ABI2: variants seen among roughly 807,000 people sequenced by gnomAD.
The protein encoded by ABI2 is abl interactor 2.
A neutral mutation model predicts 59.2 loss-of-function variants in ABI2; 25 were observed. The ratio of observed to expected loss-of-function variants is 0.42; its 90% CI spans 0.31 to 0.59. The LOEUF is 0.59. ABI2 is among the 20% of genes least tolerant of loss of function. ABI2 has a pLI of 0.14. For missense variants in ABI2, 545 were observed against 681.8 expected, an observed-to-expected ratio of 0.80 and a Z score of 2.23; for synonymous variants, 213 against 235.5, an observed-to-expected ratio of 0.90 and a Z score of 0.87.
At chr2:203,365,267 T>C (rs1447907211) in intron 1 of ABI2, among the ~76,000 whole-genome samples, 4 of 152,180 alleles carry the variant, frequency 2.6e-5, no homozygotes, top group African/African-American at 9.7e-5. Context: ...GTAACCAGCT[T>C]TTTTTCACTT....
intron 2 of ABI2, chr2:203,375,941 CAG>C (rs1559264764): frequency 1.5e-6 from 1 of 670,186 alleles, no homozygotes; most frequent in African/African-American, 1.8e-5. Context: ...GGCAATACTG[CAG>C]TTCAACCCCG....
intron 1 of ABI2, among the ~76,000 whole-genome samples, chr2:203,332,414 C>G (rs931025424): frequency 6.6e-6 from 1 of 152,002 alleles, no homozygotes; most frequent in Non-Finnish European, 1.5e-5. Flanking sequence ...ATCACGAGAT[C>G]AGGAGATCCA....
chr2:203,426,277 AT>A (rs2098422930), intron 11 of ABI2, among the ~76,000 whole-genome samples: 1 of 152,204 alleles, frequency 6.6e-6, no homozygotes, highest in Non-Finnish European at 1.5e-5. Context: ...GTGGTATAAA[AT>A]AGGTACAGAA....
In ABI2 at chr2:203,380,232, G is replaced by A; in HGVS notation, c.310G>A (p.Val104Ile). 1.9e-6 allele frequency: 3 copies of A among 1,586,152 alleles called. No individual in the cohort carries two copies. The highest frequency in any genetic ancestry group is 2.6e-6 in the Non-Finnish European group (3 of 1,170,018). ...SQTVDIHKEK[V>I]ARREIGILTT... ...GACAGTTGATATTCATAAAGAGAAA[G>A]TTGCAAGAAGAGAAATTGGTATTTT... The change falls in exon 3 of 12, where the codon GTT (valine) becomes ATT (isoleucine). Residue 104 changes from valine to isoleucine, a missense_variant. Coordinates refer to ENST00000261018, the MANE Select transcript of ABI2 (RefSeq NM_001375670.1).
intron 10 of ABI2, among the ~76,000 whole-genome samples, chr2:203,416,360 A>T (rs956897732): frequency 6.6e-6 from 1 of 151,466 alleles, no homozygotes; most frequent in African/African-American, 2.4e-5. Context: ...GAGTGGCGTG[A>T]TCTCGACTCA....
At chr2:203,395,448 TACACAC>T (rs59156204) in intron 6 of ABI2, among the ~76,000 whole-genome samples, 51 of 115,314 alleles carry the variant, frequency 4.4e-4, no homozygotes, top group South Asian at 6.6e-4. Context: ...TATATATATA[TACACAC>T]ACACACACAC....
In ABI2 at chr2:203,394,723, T is replaced by C; in HGVS notation, c.602T>C (p.Leu201Pro). The C allele has an allele frequency of 1.2e-6, 2 of 1,614,126 alleles. No homozygotes were observed. The highest frequency in any genetic ancestry group is 1.7e-6 in the Non-Finnish European group (2 of 1,180,012). The change falls in exon 6 of 12, where the codon CTG becomes CCG. Residue 201 changes from leucine (L) to proline (P), a missense_variant. Physicochemically the swap from Leu to Pro is moderately conservative, Grantham distance 98. This residue lies in a region of ABI2 where 410 missense variants were observed against 435.6 expected (regional missense o/e 0.94). Coordinates refer to ENST00000261018, the MANE Select transcript of ABI2 (RefSeq NM_001375670.1). Reference protein sequence around the residue: ...TLGRHSPYRTLEPVRPPVVPN... With the variant: ...TLGRHSPYRTPEPVRPPVVPN... ...AGGCGGCACTCCCCCTATCGCACAC[T>C]GGAGCCAGTGCGTCCTCCAGTGGTA...
At chr2:203,374,968 C>A in intron 2 of ABI2, 1 of 373,732 alleles carries the variant, frequency 2.7e-6, no homozygotes, top group Non-Finnish European at 5.8e-6. Context: ...TCTGCTGTGG[C>A]CTGAGCATGT....
chr2:203,408,907 C>T (rs1228926717), intron 9 of ABI2, among the ~76,000 whole-genome samples: 8 of 123,228 alleles, frequency 6.5e-5, no homozygotes, highest in Admixed American at 1.1e-4. Flanking sequence ...GGCGCAATCT[C>T]GGCTCACTGC....
At chr2:203,395,448 T>TATATATATATATATACACAC (rs750379504) in intron 6 of ABI2, among the ~76,000 whole-genome samples, 4 of 115,328 alleles carry the variant, frequency 3.5e-5, no homozygotes, top group African/African-American at 1.2e-4. Context: ...TATATATATA[T>TATATATATATATATACACAC]ACACACACAC....
intron 1 of ABI2, among the ~76,000 whole-genome samples, chr2:203,338,565 C>T (rs776449038): frequency 2.6e-4 from 40 of 151,970 alleles, no homozygotes; most frequent in Non-Finnish European, 5.6e-4. Flanking sequence ...ACCAGAAGTA[C>T]GTGCCAGCAC....
intron 4 of ABI2, among the ~76,000 whole-genome samples, chr2:203,390,421 C>A (rs2096698514): frequency 6.6e-6 from 1 of 152,130 alleles, no homozygotes; most frequent in Non-Finnish European, 1.5e-5. Flanking sequence ...TGCCTAAGCT[C>A]AGGAGTTTGA....
At chr2:203,385,259 G>C (rs1559293527) in intron 4 of ABI2, among the ~76,000 whole-genome samples, 3 of 150,598 alleles carry the variant, frequency 2.0e-5, no homozygotes, top group Non-Finnish European at 3.0e-5. Flanking sequence ...AACCTCCTGA[G>C]TAGCTGGGAC....
intron 2 of ABI2, among the ~76,000 whole-genome samples, chr2:203,376,561 C>G (rs78643187): frequency 6.6e-6 from 1 of 152,054 alleles, no homozygotes; most frequent in Admixed American, 6.6e-5. Flanking sequence ...AGAATTTAAT[C>G]CTGGGAAACA....
At chr2:203,395,609 C>G (rs760904702) in intron 6 of ABI2, 47 bp from the exon 7 acceptor site, 47 of 1,579,940 alleles carry the variant, frequency 3.0e-5, no homozygotes, top group Non-Finnish European at 1.4e-5. Flanking sequence ...CTGATGATCT[C>G]TTACTGTTTA....
At chr2:203,382,790 T>G (rs1362957267) in intron 4 of ABI2, among the ~76,000 whole-genome samples, 2 of 151,990 alleles carry the variant, frequency 1.3e-5, no homozygotes, top group Non-Finnish European at 2.9e-5. Context: ...TGTAGAAAAA[T>G]TATTCTTTTT....
chr2:203,342,951 A>G (rs1179856462), intron 1 of ABI2, among the ~76,000 whole-genome samples: 2 of 152,252 alleles, frequency 1.3e-5, no homozygotes, highest in African/African-American at 4.8e-5. Flanking sequence ...ATAATGCATT[A>G]ACATGCATAA....
chr2:203,347,448 G>T (rs980811475), intron 1 of ABI2, among the ~76,000 whole-genome samples: 16 of 152,230 alleles, frequency 1.1e-4, no homozygotes, highest in Non-Finnish European at 2.1e-4. Context: ...ATGGACATAA[G>T]ACCATTACAC....
chr2:203,416,538 C>A (rs376348180), intron 10 of ABI2, among the ~76,000 whole-genome samples: 1 of 152,218 alleles, frequency 6.6e-6, no homozygotes, highest in South Asian at 2.1e-4. Flanking sequence ...TCAGGTGATC[C>A]GCCTGCTTCG....
Sources: gnomAD v4.1 joint callset for allele counts (sites outside exome capture counted in the v4.1 genomes callset) on GRCh38, gnomAD v4.1.1 for gene constraint, gnomAD v4.1.1 regional missense constraint, MANE v1.5 for transcripts, NCBI Gene and HGNC (gene_info 2026-07-23, HGNC 2026-07-21) for gene names.